CSMD1: variants seen among roughly 807,000 people sequenced by gnomAD.
CSMD1 encodes CUB and Sushi multiple domains 1.
CSMD1 carries 213 observed loss-of-function variants against 417.5 expected under a neutral mutation model. The ratio of observed to expected loss-of-function variants is 0.51; its 90% CI spans 0.46 to 0.57. The LOEUF (loss-of-function observed/expected upper bound fraction) is 0.57, where lower values mean the gene tolerates loss of function less well. CSMD1 is among the 20% of genes least tolerant of loss of function. CSMD1 has a pLI of 0.00. For synonymous variants in CSMD1, 2,862 were observed against 1,736.8 expected (o/e 1.65, Z -16.11); for missense variants, 6,923 against 4,529.7 (o/e 1.53, Z -15.17).
chr8:4,838,454 A>G (rs1367788455), intron 1 of CSMD1, among the ~76,000 whole-genome samples: 3 of 152,222 alleles, frequency 2.0e-5, no homozygotes, highest in Admixed American at 2.0e-4. Context: ...GAAGGGAAAC[A>G]AGAAACTGCC....
chr8:4,567,464 G>A (rs375824949), intron 2 of CSMD1, among the ~76,000 whole-genome samples: 17 of 152,236 alleles, frequency 1.1e-4, no homozygotes, highest in African/African-American at 3.4e-4. Flanking sequence ...TTGGAAGGAG[G>A]AAGAAAAGAG....
chr8:3,046,464 T>G (rs548812523), intron 50 of CSMD1, among the ~76,000 whole-genome samples: 8 of 152,324 alleles, frequency 5.3e-5, no homozygotes, highest in African/African-American at 1.7e-4. Context: ...TTTTATTCCC[T>G]TCCGTGGACA....
At chr8:4,656,639 G>C (rs1804251351) in intron 1 of CSMD1, among the ~76,000 whole-genome samples, 1 of 151,418 alleles carries the variant, frequency 6.6e-6, no homozygotes, top group Non-Finnish European at 1.5e-5. Context: ...ACTAATTTTA[G>C]TTTCAAAGTT....
intron 5 of CSMD1, among the ~76,000 whole-genome samples, chr8:3,978,232 G>T (rs557814765): frequency 1.3e-5 from 2 of 152,258 alleles, no homozygotes; most frequent in African/African-American, 4.8e-5. Flanking sequence ...GATTCCCAGC[G>T]CCTGGCAGCC....
intron 5 of CSMD1, among the ~76,000 whole-genome samples, chr8:3,942,533 C>T (rs1216699693): frequency 1.3e-5 from 2 of 152,046 alleles, no homozygotes; most frequent in African/African-American, 4.8e-5. Flanking sequence ...AGGAGGACAC[C>T]GGTGCATGAG....
At chr8:3,364,454 G>A (rs980729652) in intron 20 of CSMD1, among the ~76,000 whole-genome samples, 1 of 152,172 alleles carries the variant, frequency 6.6e-6, no homozygotes, top group African/African-American at 2.4e-5. Flanking sequence ...AAAGACCCAT[G>A]AAAGAGTATT....
chr8:4,728,020 T>A (rs1022938622), intron 1 of CSMD1, among the ~76,000 whole-genome samples: 3 of 146,164 alleles, frequency 2.1e-5, no homozygotes, highest in Non-Finnish European at 3.0e-5. Flanking sequence ...AATATATATA[T>A]ATTTTTTCTA....
intron 26 of CSMD1, among the ~76,000 whole-genome samples, chr8:3,239,122 C>T (rs4644282): frequency 0.72 from 109,184 of 152,020 alleles, 41,075 homozygotes; most frequent in Non-Finnish European, 0.83. Flanking sequence ...GTGGTAAAAG[C>T]ACTTTCTATT....
At chr8:3,065,347 T>C (rs1469684538) in intron 49 of CSMD1, among the ~76,000 whole-genome samples, 1 of 151,840 alleles carries the variant, frequency 6.6e-6, no homozygotes, top group Admixed American at 6.6e-5. Context: ...GAAAGATAGA[T>C]ACATAGATAA....
chr8:3,174,264 T>A (rs1820769751), intron 37 of CSMD1, among the ~76,000 whole-genome samples: 1 of 152,146 alleles, frequency 6.6e-6, no homozygotes, highest in Admixed American at 6.6e-5. Flanking sequence ...GAGGCTGAGG[T>A]GCAAAGATGG....
In CSMD1 at chr8:3,481,477, G is replaced by C. The variant is rs149582051; in HGVS notation, c.1448+12146C>G. ...TCCATACTTCAGGTGGTAAATGTTCGCATTAGTTGTAGTAAGATAAATAAT... is the reference window on the plus strand; with the variant it reads ...TCCATACTTCAGGTGGTAAATGTTCCCATTAGTTGTAGTAAGATAAATAAT... On this transcript the variant is annotated intron_variant, in intron 11 of 69. Transcript: ENST00000635120. Among the ~76,000 whole-genome samples, 177 of 152,228 alleles carry C rather than the reference G, an allele frequency of 1.2e-3. 3 individuals are homozygous for C. The South Asian group carries it at 0.015, about 13-fold the overall frequency.
chr8:4,387,591 AAG>A (rs1255407512), intron 3 of CSMD1, among the ~76,000 whole-genome samples: 6 of 150,024 alleles, frequency 4.0e-5, no homozygotes, highest in African/African-American at 1.5e-4. Context: ...AAAAAAAAAA[AAG>A]AGTTGAATGT....
chr8:4,822,685 G>A (rs1585160072), intron 1 of CSMD1, among the ~76,000 whole-genome samples: 5 of 151,978 alleles, frequency 3.3e-5, no homozygotes, highest in Admixed American at 3.3e-4. Flanking sequence ...AATATAATTA[G>A]CCATATACAA....
chr8:4,233,727 TAATAA>T (rs1801879734), intron 3 of CSMD1, among the ~76,000 whole-genome samples: 2 of 152,126 alleles, frequency 1.3e-5, no homozygotes, highest in African/African-American at 2.4e-5. Context: ...ACTAAGATAT[TAATAA>T]AATAAAGATG....
intron 2 of CSMD1, among the ~76,000 whole-genome samples, chr8:4,600,956 A>AT (rs36030872): frequency 0.74 from 103,542 of 139,092 alleles, 40,292 homozygotes; most frequent in Non-Finnish European, 0.86. Flanking sequence ...TCTTAATTAG[A>AT]TTTTTTTTTT....
chr8:4,234,437 C>T (rs1461471660), intron 3 of CSMD1, among the ~76,000 whole-genome samples: 3 of 152,110 alleles, frequency 2.0e-5, no homozygotes, highest in East Asian at 1.9e-4. Flanking sequence ...ACTACCTTTG[C>T]TACCAAGACG....
At chr8:3,940,343 T>G (rs1810792557) in intron 5 of CSMD1, among the ~76,000 whole-genome samples, 1 of 152,084 alleles carries the variant, frequency 6.6e-6, no homozygotes, top group African/African-American at 2.4e-5. Context: ...TATTTCAGTA[T>G]GTTAGCAATG....
chr8:3,623,586 C>T (rs1391270395), intron 7 of CSMD1, among the ~76,000 whole-genome samples: 1 of 152,142 alleles, frequency 6.6e-6, no homozygotes, highest in Non-Finnish European at 1.5e-5. Context: ...GTATCATTTA[C>T]ATATGTTTTT....
chr8:3,766,932 G>C (rs758561940), intron 5 of CSMD1, among the ~76,000 whole-genome samples: 2 of 152,130 alleles, frequency 1.3e-5, no homozygotes, highest in Admixed American at 6.6e-5. Context: ...TATCCAACGA[G>C]TCCGACGGCA....
Sources: gnomAD v4.1 joint callset for allele counts (sites outside exome capture counted in the v4.1 genomes callset) on GRCh38, gnomAD v4.1.1 for gene constraint, MANE v1.5 for transcripts, NCBI Gene and HGNC (gene_info 2026-07-23, HGNC 2026-07-21) for gene names.